HHAT: variants seen among roughly 807,000 people sequenced by gnomAD.
HHAT encodes the protein hedgehog acyltransferase, also known as protein-cysteine N-palmitoyltransferase HHAT.
HHAT carries 47 observed loss-of-function variants against 70.8 expected under a neutral mutation model. The observed-to-expected ratio is 0.66, with a 90% confidence interval of 0.53 to 0.85. The LOEUF (loss-of-function observed/expected upper bound fraction) is 0.85. Ranked by LOEUF, HHAT falls within the 40% of genes least tolerant of loss-of-function variation. HHAT has a pLI of 0.00. For missense variants in HHAT, 609 were observed against 604.8 expected, an observed-to-expected ratio of 1.01 and a Z score of -0.07; for synonymous variants, 228 against 247.6, an observed-to-expected ratio of 0.92 and a Z score of 0.74.
At chr1:210,501,641 G>A (rs1301365695) in intron 8 of HHAT, among the ~76,000 whole-genome samples, 1 of 151,344 alleles carries the variant, frequency 6.6e-6, no homozygotes, top group Admixed American at 6.6e-5. Context: ...GTCCCCAGCT[G>A]CTCCTGGGGA....
chr1:210,327,500 C>T (rs574040813), upstream of HHAT, among the ~76,000 whole-genome samples: 1 of 152,118 alleles, frequency 6.6e-6, no homozygotes, highest in Admixed American at 6.5e-5. Context: ...TATTGTTCAC[C>T]TGAAATTATT....
At chr1:210,549,168 G>A (rs901081967) in intron 9 of HHAT, among the ~76,000 whole-genome samples, 1 of 150,164 alleles carries the variant, frequency 6.7e-6, no homozygotes, top group Non-Finnish European at 1.5e-5. Flanking sequence ...GGATCAAATG[G>A]CATAACACAT....
intron 9 of HHAT, among the ~76,000 whole-genome samples, chr1:210,574,502 G>A (rs895357018): frequency 3.9e-5 from 6 of 152,212 alleles, no homozygotes; most frequent in Admixed American, 3.9e-4. Flanking sequence ...CTGAAGGTAG[G>A]GACTTGCCCA....
In HHAT at chr1:210,484,494, C is replaced by CT. The variant is rs11295259; in HGVS notation, c.1007+19853dup. Among the ~76,000 whole-genome samples, 112 of 145,806 alleles carry CT rather than the reference C, an allele frequency of 7.7e-4. 4 individuals are homozygous for CT. In the South Asian group the frequency reaches 0.012, roughly 16 times the overall value. On this transcript the variant is annotated intron_variant, in intron 8 of 11. Coordinates refer to ENST00000261458, the MANE Select transcript of HHAT (RefSeq NM_018194.6). ...GATTTATCCGCTGTTACCATAGCTACTTTTTTTTTTTTTTGGCCTTGCAGC... is the reference window on the plus strand; with the variant it reads ...GATTTATCCGCTGTTACCATAGCTACTTTTTTTTTTTTTTTGGCCTTGCAGC...
intron 8 of HHAT, among the ~76,000 whole-genome samples, chr1:210,506,896 T>C (rs993767089): frequency 1.6e-4 from 25 of 152,304 alleles, no homozygotes; most frequent in South Asian, 1.5e-3. Context: ...TTTGGTCTGT[T>C]GTGGGAGAGA....
intron 7 of HHAT, among the ~76,000 whole-genome samples, chr1:210,423,108 T>C (rs1180368023): frequency 6.6e-6 from 1 of 152,218 alleles, no homozygotes; most frequent in African/African-American, 2.4e-5. Context: ...CTGGATCATA[T>C]GGTAGTTCTA....
At chr1:210,658,308 T>A (rs1676888530) in intron 11 of HHAT, among the ~76,000 whole-genome samples, 1 of 152,148 alleles carries the variant, frequency 6.6e-6, no homozygotes, top group Non-Finnish European at 1.5e-5. Flanking sequence ...GCCCTGCCCC[T>A]GAGGGTGCTC....
At chr1:210,624,348 TAC>T (rs1454431485) in intron 11 of HHAT, among the ~76,000 whole-genome samples, 1 of 152,232 alleles carries the variant, frequency 6.6e-6, no homozygotes, top group African/African-American at 2.4e-5. Context: ...TTATAAATTA[TAC>T]AGTTTTAGAT....
chr1:210,393,640 G>T (rs1327921934), intron 4 of HHAT, among the ~76,000 whole-genome samples: 1 of 152,162 alleles, frequency 6.6e-6, no homozygotes, highest in Non-Finnish European at 1.5e-5. Flanking sequence ...TTGTTACCAG[G>T]CAGGGGTGGA....
At chr1:210,429,119 T>A (rs900526436) in intron 7 of HHAT, among the ~76,000 whole-genome samples, 1 of 151,872 alleles carries the variant, frequency 6.6e-6, no homozygotes, top group African/African-American at 2.4e-5. Flanking sequence ...CCAATTCTTA[T>A]GAGAAATTTT....
In HHAT at chr1:210,386,207, T is replaced by C. The variant is rs920055551; in HGVS notation, c.160-1261T>C. 6.5e-4 allele frequency among the ~76,000 whole-genome samples: 97 copies of C among 150,130 alleles called. 1 individual carries two copies. The highest frequency in any genetic ancestry group is 2.2e-3 in the African/African-American group (88 of 40,896). On this transcript the variant is annotated intron_variant, in intron 3 of 11. Coordinates refer to ENST00000261458, the MANE Select transcript of HHAT (RefSeq NM_018194.6). ...TGAGGAGTTCAATATCAGTGGTCATTGCAGGAGTCCTTTTCTTTTTTTCTT... is the reference window on the plus strand; with the variant it reads ...TGAGGAGTTCAATATCAGTGGTCATCGCAGGAGTCCTTTTCTTTTTTTCTT...
chr1:210,562,243 A>G (rs567179731), intron 9 of HHAT, among the ~76,000 whole-genome samples: 8 of 152,116 alleles, frequency 5.3e-5, no homozygotes, highest in Non-Finnish European at 1.2e-4. Flanking sequence ...TCAAGCACTA[A>G]TTAGAGAAGG....
intron 11 of HHAT, among the ~76,000 whole-genome samples, chr1:210,637,873 G>GC (rs1553312438): frequency 1.7e-4 from 21 of 123,384 alleles, no homozygotes; most frequent in Admixed American, 3.3e-4. Context: ...AAAAAAAAAG[G>GC]GGGGGGCAAA....
chr1:210,584,449 G>C (rs1308298437), intron 9 of HHAT, among the ~76,000 whole-genome samples: 1 of 152,134 alleles, frequency 6.6e-6, no homozygotes, highest in Non-Finnish European at 1.5e-5. Flanking sequence ...GCAGCCTCAT[G>C]ATGGGCCAGC....
At chr1:210,574,438 G>A (rs1657152320) in intron 9 of HHAT, among the ~76,000 whole-genome samples, 1 of 152,230 alleles carries the variant, frequency 6.6e-6, no homozygotes, top group African/African-American at 2.4e-5. Context: ...AAGCCAAACT[G>A]ATGGGTTTAA....
intron 3 of HHAT, among the ~76,000 whole-genome samples, chr1:210,380,367 C>G (rs181169885): frequency 1.3e-5 from 2 of 152,028 alleles, no homozygotes; most frequent in Admixed American, 1.3e-4. Flanking sequence ...GTGGTGAAAC[C>G]CTGTCTCTAC....
chr1:210,400,683 A>T (rs373310234), intron 5 of HHAT, 21 bp downstream of exon 5: 3 of 1,599,884 alleles, frequency 1.9e-6, no homozygotes, highest in African/African-American at 2.7e-5. Context: ...TCCTGTTACC[A>T]TTGGGAATCC....
chr1:210,604,664 C>T (rs559162045), intron 10 of HHAT, among the ~76,000 whole-genome samples: 3 of 152,180 alleles, frequency 2.0e-5, no homozygotes, highest in South Asian at 4.1e-4. Context: ...GAGAGGTGAG[C>T]AGGACGGATT....
intron 11 of HHAT, among the ~76,000 whole-genome samples, chr1:210,637,385 A>G (rs1242039859): frequency 2.6e-5 from 4 of 152,258 alleles, no homozygotes; most frequent in African/African-American, 9.6e-5. Flanking sequence ...CAAAGATACA[A>G]GTAACAGAAG....
Sources: allele counts gnomAD v4.1 joint callset (sites outside exome capture counted in the v4.1 genomes callset), GRCh38; gene constraint gnomAD v4.1.1; transcripts MANE v1.5; gene names NCBI Gene and HGNC (gene_info 2026-07-23, HGNC 2026-07-21).